CPLANE1: variants seen among roughly 807,000 people sequenced by gnomAD.
CPLANE1 encodes the protein ciliogenesis and planar polarity effector 1.
CPLANE1 carries 263 observed loss-of-function variants against 362.5 expected under a neutral mutation model. The ratio of observed to expected loss-of-function variants is 0.73; its 90% CI spans 0.66 to 0.80. The LOEUF (loss-of-function observed/expected upper bound fraction) is 0.80. Among genes scored for constraint, CPLANE1 ranks in the 30% least tolerant of loss-of-function variants. CPLANE1 has a pLI of 0.00. For synonymous variants in CPLANE1, 1,212 were observed against 1,302.6 expected, an observed-to-expected ratio of 0.93 and a Z score of 1.50; for missense variants, 3,461 against 3,793.4, an observed-to-expected ratio of 0.91 and a Z score of 2.30.
In CPLANE1 at chr5:37,213,752, C is replaced by A; in HGVS notation, c.2747-20G>T. The A allele has an allele frequency of 7.1e-7, 1 of 1,408,874 alleles. No individual in the cohort carries two copies. The highest frequency in any genetic ancestry group is 9.4e-7 in the Non-Finnish European group (1 of 1,067,940). The allele number at this position is 1,408,874 out of a possible 1,614,324, so 87.3% of individuals were successfully genotyped here. On this transcript the variant is annotated intron_variant, in intron 15 of 52. Transcript: ENST00000651892. ...CAGCACCTAAGGAATACAGCAATGA[C>A]CTAAGAAGATTGTGATCAACTACCA...
chr5:37,100,285 A>G, the CPLANE1 span, among the ~76,000 whole-genome samples: 1 of 152,116 alleles, frequency 6.6e-6, no homozygotes, highest in Admixed American at 6.5e-5. Context: ...TAATTTTTGT[A>G]TAAGGTATAA....
At chr5:37,205,817 G>C (rs1388060407) in intron 17 of CPLANE1, among the ~76,000 whole-genome samples, 1 of 152,244 alleles carries the variant, frequency 6.6e-6, no homozygotes, top group Middle Eastern at 3.4e-3. Context: ...GCGCTCAAGT[G>C]ATCTTCCCAC....
intron 43 of CPLANE1, among the ~76,000 whole-genome samples, chr5:37,145,791 T>C (rs1771383300): frequency 1.3e-5 from 2 of 151,992 alleles, no homozygotes; most frequent in Admixed American, 6.6e-5. Flanking sequence ...AAATAAGATA[T>C]TAGAAATAAG....
rs909028294 is a variant in CPLANE1 at position 37,157,765 on chromosome 5, T to A, written c.7916A>T (p.Gln2639Leu). 4.3e-6 allele frequency: 7 copies of A among 1,613,922 alleles called. No individual in the cohort carries two copies. The highest frequency in any genetic ancestry group is 5.9e-6 in the Non-Finnish European group (7 of 1,179,894). ...CGATGGAACTGCTAGATGATCGCTT[T>A]GCTGTTTGATAACATTATCATTTGA... is the stretch of plus-strand genomic sequence containing the variant. ...EPSNDNVIKQ[Q>L]SDHLAVPSSA... Residue 2639 changes from glutamine (Q) to leucine (L), a missense_variant, in exon 40 of 53, where the codon CAA becomes CTA. Gln to Leu is a moderately radical substitution (Grantham distance 113, BLOSUM62 -2). Around this residue, in one of 2 missense-constraint regions of CPLANE1, gnomAD observed 3,380 missense variants for 3,666.1 expected, o/e 0.92. Transcript: ENST00000651892.
chr5:37,215,726 T>C (rs1793865216), intron 15 of CPLANE1, among the ~76,000 whole-genome samples: 3 of 150,370 alleles, frequency 2.0e-5, no homozygotes, highest in African/African-American at 7.3e-5. Flanking sequence ...TTTCCCGTTT[T>C]TCCTTCTCTT....
chr5:37,180,242 G>T, intron 27 of CPLANE1, 59 bp from the exon 28 acceptor site: 22 of 1,067,390 alleles, frequency 2.1e-5, no homozygotes, highest in East Asian at 6.3e-5. Flanking sequence ...AGCTAATTCA[G>T]TTTTGGGTTT....
chr5:37,205,157 A>G (rs1406114990), intron 18 of CPLANE1, 158 bp downstream of exon 18: 6 of 512,548 alleles, frequency 1.2e-5, no homozygotes, highest in Non-Finnish European at 1.8e-5. Flanking sequence ...ACTCCATCTC[A>G]AAAAATAATA....
rs1782230661 is a variant in CPLANE1, at chr5:37,180,040, T to C, written c.5714A>G (p.Asp1905Gly). 1.9e-6 allele frequency: 3 copies of C among 1,569,980 alleles called. No homozygotes were observed. The highest frequency in any genetic ancestry group is 2.6e-6 in the Non-Finnish European group (3 of 1,159,580). ...ACCTTCATAGTCTGATATGTGCATA[T>C]CCATTTCCTCTTCTGTAAATGCTTC... Reference protein sequence around the residue: ...EVEAFTEEEMDMHISDYEEDI... With the variant: ...EVEAFTEEEMGMHISDYEEDI... The change falls in exon 28 of 53, where the codon GAT (aspartate) becomes GGT (glycine). Residue 1905 changes from aspartate to glycine, a missense_variant. Asp to Gly is a moderately conservative substitution (Grantham distance 94). Coordinates refer to ENST00000651892, the MANE Select transcript of CPLANE1 (RefSeq NM_001384732.1).
Position 37,195,866 on chromosome 5 carries a change from C to T in CPLANE1, c.3803G>A (p.Arg1268Lys). Residue 1268 changes from arginine to lysine, a missense_variant, in exon 21 of 53, where the codon AGA (arginine) becomes AAA (lysine). Physicochemically the swap from Arg to Lys is conservative, Grantham distance 26. Transcript: ENST00000651892. ...GDHKLDEVSI[R>K]AIGCFRELCA... ...GTTCATTTTGGACAAACCTATTGCT[C>T]TAATGGAAACTTCATCAAGCTTGTG... 6.2e-7 allele frequency: 1 copy of T among 1,609,568 alleles called. No homozygotes were observed. Among genetic ancestry groups the T allele is most frequent in the Non-Finnish European group, 8.5e-7 (1 of 1,178,590 alleles).
chr5:37,192,814 C>T lies in CPLANE1; in HGVS notation c.3811+3044G>A, dbSNP rs1483564675. On this transcript the variant is annotated intron_variant, in intron 21 of 52. Coordinates refer to ENST00000651892, the MANE Select transcript of CPLANE1 (RefSeq NM_001384732.1). ...GAGCTTGCAGTGAGCCGAGAGCGTG[C>T]CACTACACTCCAGCCTGGGCAACAG... 2.7e-5 allele frequency among the ~76,000 whole-genome samples: 4 copies of T among 145,908 alleles called. No individual in the cohort carries two copies. In the East Asian group the frequency reaches 8.1e-4, roughly 30 times the overall value.
At chr5:37,106,115 G>C (rs1334954175), downstream of CPLANE1, 1 of 152,138 alleles carries the variant, frequency 6.6e-6, no homozygotes, top group Non-Finnish European at 1.5e-5. Flanking sequence ...AATTAGTATA[G>C]CAGCTATGGA....
intron 6 of CPLANE1, 60 bp downstream of exon 6, chr5:37,242,953 C>G: frequency 8.5e-7 from 1 of 1,175,042 alleles, no homozygotes. Flanking sequence ...CACAGCAAGA[C>G]CCTGCCTCCA....
chr5:37,084,191 T>C, the CPLANE1 span, among the ~76,000 whole-genome samples: 1 of 152,176 alleles, frequency 6.6e-6, no homozygotes, highest in Non-Finnish European at 1.5e-5. Context: ...GCTTCATATA[T>C]GAAGGAAAGA....
intron 42 of CPLANE1, among the ~76,000 whole-genome samples, chr5:37,150,093 A>T (rs1773054339): frequency 6.6e-6 from 1 of 152,124 alleles, no homozygotes; most frequent in African/African-American, 2.4e-5. Flanking sequence ...TCCCCAACAG[A>T]TTCAGCAGGG....
intron 1 of CPLANE1, among the ~76,000 whole-genome samples, chr5:37,248,137 T>A (rs1411455659): frequency 1.3e-5 from 2 of 150,952 alleles, no homozygotes; most frequent in Admixed American, 6.6e-5. Flanking sequence ...GATTTATATT[T>A]TATTTCTGAG....
intron 9 of CPLANE1, among the ~76,000 whole-genome samples, chr5:37,230,583 CTA>C (rs1472972436): frequency 6.6e-6 from 1 of 151,962 alleles, no homozygotes; most frequent in African/African-American, 2.4e-5. Context: ...ACAATAAATG[CTA>C]TATCATACTT....
intron 9 of CPLANE1, among the ~76,000 whole-genome samples, chr5:37,228,408 AT>A (rs1351723119): frequency 4.6e-5 from 7 of 152,066 alleles, no homozygotes; most frequent in Admixed American, 4.6e-4. Flanking sequence ...GTATATTGTA[AT>A]TTTTTTCTGG....
chr5:37,130,308 C>CA (rs1261583791), intron 46 of CPLANE1: 1 of 153,458 alleles, frequency 6.5e-6, no homozygotes, highest in Non-Finnish European at 1.5e-5. Context: ...TTGATGGGTG[C>CA]ACCAAAATCT....
chr5:37,142,564 A>G, intron 43 of CPLANE1, 84 bp from the exon 44 acceptor site: 1 of 854,024 alleles, frequency 1.2e-6, no homozygotes, highest in South Asian at 2.1e-5. Flanking sequence ...ACTATTTCCA[A>G]CTGGCAACCC....
Sources: allele counts gnomAD v4.1 joint callset (sites outside exome capture counted in the v4.1 genomes callset), GRCh38; gene constraint gnomAD v4.1.1; regional missense constraint gnomAD v4.1.1; transcripts MANE v1.5; gene names NCBI Gene and HGNC (gene_info 2026-07-23, HGNC 2026-07-21).